Variants in KIF13B observed in about 807,000 individuals in gnomAD.
KIF13B encodes kinesin-like protein KIF13B.
A neutral mutation model predicts 222.0 loss-of-function variants in KIF13B; 127 were observed. That is an observed-to-expected ratio of 0.57 (90% CI 0.50 to 0.66). KIF13B has a LOEUF of 0.66. KIF13B is among the 30% of genes least tolerant of loss of function. The pLI, the probability that KIF13B is intolerant of heterozygous loss-of-function variation, is 0.00. For missense variants in KIF13B, 2,173 were observed against 2,379.0 expected (o/e 0.91, Z 1.80); for synonymous variants, 976 against 919.0 (o/e 1.06, Z -1.12).
In KIF13B at chr8:29,072,026, CT is replaced by C. The variant is rs1807312981; in HGVS notation, c.4811del (p.Glu1604GlyfsTer25). ...GCGGTGGGGGGTGGCTGATGGGCGCCTCGGGCTCGGCCTCAGGGGCGGTGGG... is the reference window on the plus strand; with the variant it reads ...GCGGTGGGGGGTGGCTGATGGGCGCCCGGGCTCGGCCTCAGGGGCGGTGGG... Reference protein sequence around the residue: ...SMPTAPEAEPEAPISHPPPPT... With the variant: ...SMPTAPEAEPXAPISHPPPPT... On this transcript the variant is annotated frameshift_variant, in exon 39 of 40. Transcript: ENST00000524189. LOFTEE classifies it high-confidence loss of function. 7.7e-7 allele frequency: 1 copy of C among 1,295,290 alleles called. No homozygotes were observed. Among genetic ancestry groups the C allele is most frequent in the African/African-American group, 1.6e-5 (1 of 64,320 alleles). 80.2% of individuals were successfully genotyped at this position (1,295,290 alleles called of 1,614,324 possible). A position where few individuals can be genotyped will look rare whatever the true frequency, so the allele number is the denominator to read the frequency against.
intron 2 of KIF13B, among the ~76,000 whole-genome samples, chr8:29,202,545 G>GACCTCAGGTGATCTGCCT (rs989150204): frequency 2.6e-5 from 4 of 152,278 alleles, no homozygotes; most frequent in Middle Eastern, 3.4e-3. Context: ...TCGAACTCCA[G>GACCTCAGGTGATCTGCCT]ACCTCAGGTG....
Position 29,140,619 on chromosome 8 carries a change from T to C in KIF13B, c.2335-2A>G, listed in dbSNP as rs1413846995. 2.5e-6 allele frequency: 4 copies of C among 1,606,362 alleles called. No homozygotes were observed. In the African/African-American group the frequency reaches 5.4e-5, roughly 22 times the overall value. On this transcript the variant is annotated splice_acceptor_variant, in intron 19 of 39. Coordinates refer to ENST00000524189, the MANE Select transcript of KIF13B (RefSeq NM_015254.4). LOFTEE classifies it high-confidence loss of function. ...ACGTTTGAAGTATGATCGTATTACC[T>C]GTAAAGAGATTGAGAACACACAACT...
intron 6 of KIF13B, among the ~76,000 whole-genome samples, chr8:29,183,741 T>G (rs1205496607): frequency 6.6e-6 from 1 of 152,112 alleles, no homozygotes; most frequent in Non-Finnish European, 1.5e-5. Context: ...ACTAACAAAG[T>G]GAAGATTAGA....
At chr8:29,243,957 C>T (rs1336092538) in intron 2 of KIF13B, among the ~76,000 whole-genome samples, 2 of 152,176 alleles carry the variant, frequency 1.3e-5, no homozygotes, top group East Asian at 1.9e-4. Flanking sequence ...AAAAATAACT[C>T]ACTATGATAA....
chr8:29,158,013 C>G (rs529583924), intron 13 of KIF13B, among the ~76,000 whole-genome samples: 10 of 152,298 alleles, frequency 6.6e-5, no homozygotes, highest in African/African-American at 2.4e-4. Flanking sequence ...GGCCTCCCAT[C>G]TGTTCTTTGA....
At chr8:29,118,231 C>T (rs180856137) in intron 30 of KIF13B, among the ~76,000 whole-genome samples, 104 of 151,780 alleles carry the variant, frequency 6.9e-4, no homozygotes, top group African/African-American at 2.3e-3. Context: ...TGGCTCACAC[C>T]TGTAATCCCA....
At chr8:29,098,908 A>C (rs1211276268) in intron 36 of KIF13B, among the ~76,000 whole-genome samples, 1 of 152,222 alleles carries the variant, frequency 6.6e-6, no homozygotes, top group Non-Finnish European at 1.5e-5. Context: ...AGATTCCAGC[A>C]ATGTACGGCT....
At chr8:29,232,109 T>C (rs920601904) in intron 2 of KIF13B, among the ~76,000 whole-genome samples, 1 of 150,856 alleles carries the variant, frequency 6.6e-6, no homozygotes, top group African/African-American at 2.4e-5. Context: ...ACACAAAAAT[T>C]AGCAGGGTAT....
chr8:29,139,465 A>G (rs1047707548), intron 21 of KIF13B, among the ~76,000 whole-genome samples: 2 of 152,186 alleles, frequency 1.3e-5, no homozygotes, highest in Non-Finnish European at 2.9e-5. Context: ...CCTTCAGTGA[A>G]TTAAGATTCC....
Position 29,180,076 on chromosome 8 carries a change from A to G in KIF13B, c.720+28T>C, listed in dbSNP as rs1374507542. 2.5e-6 allele frequency: 4 copies of G among 1,611,670 alleles called. No homozygotes were observed. In the Admixed American group the frequency reaches 6.7e-5, roughly 27 times the overall value. On this transcript the variant is annotated intron_variant, in intron 8 of 39. Coordinates refer to ENST00000524189, the MANE Select transcript of KIF13B (RefSeq NM_015254.4). ...AACCACAATCCACTTTAGAAATATAAAAACAGGTCATGCATCTGAACACCT... is the reference window on the plus strand; with the variant it reads ...AACCACAATCCACTTTAGAAATATAGAAACAGGTCATGCATCTGAACACCT...
intron 2 of KIF13B, among the ~76,000 whole-genome samples, chr8:29,201,907 T>C (rs1766572045): frequency 6.6e-6 from 1 of 152,198 alleles, no homozygotes; most frequent in Non-Finnish European, 1.5e-5. Context: ...CCGAGCTGAC[T>C]TGAAATTTAG....
intron 37 of KIF13B, among the ~76,000 whole-genome samples, chr8:29,084,843 T>C (rs1807972394): frequency 1.3e-5 from 2 of 152,268 alleles, no homozygotes; most frequent in African/African-American, 2.4e-5. Context: ...ATTTCATTAA[T>C]TGCAGTTCAT....
intron 21 of KIF13B, among the ~76,000 whole-genome samples, chr8:29,135,344 G>A (rs987612954): frequency 5.9e-5 from 9 of 152,024 alleles, no homozygotes; most frequent in East Asian, 1.9e-4. Context: ...GATGCCTGGC[G>A]TGGTTTGATT....
chr8:29,151,060 G>A lies in KIF13B; in HGVS notation c.1536-677C>T, dbSNP rs147033261. On this transcript the variant is annotated intron_variant, in intron 14 of 39. Coordinates refer to ENST00000524189, the MANE Select transcript of KIF13B (RefSeq NM_015254.4). ...TGAGTGCACATGAAAAGCTCTTGAA[G>A]GAAATTAAAGGTGCTTCTCCAGCGA... is the stretch of plus-strand genomic sequence containing the variant. 6.0e-4 allele frequency among the ~76,000 whole-genome samples: 92 copies of A among 152,302 alleles called. No homozygotes were observed. The East Asian group carries it at 0.012, about 19-fold the overall frequency.
chr8:29,221,105 T>C (rs1026733362), intron 2 of KIF13B, among the ~76,000 whole-genome samples: 2 of 28,636 alleles, frequency 7.0e-5, no homozygotes, highest in Non-Finnish European at 4.2e-4. Context: ...TTCTTTTTTT[T>C]TTTTTTTTTT....
Position 29,191,035 on chromosome 8 carries a change from A to G in KIF13B, c.185T>C (p.Phe62Ser). Residue 62 changes from phenylalanine to serine, a missense_variant, in exon 4 of 40, where the codon TTC becomes TCC. Coordinates refer to ENST00000524189, the MANE Select transcript of KIF13B (RefSeq NM_015254.4). ...QPKVFAYDHC[F>S]WSMDESVKEK... is the part of the protein sequence containing the mutation. ...TTTGACAGATTCATCCATAGACCAG[A>G]AACAATGATCATAAGCAAACACCTG... is the stretch of plus-strand genomic sequence containing the variant. The G allele has an allele frequency of 6.2e-7, 1 of 1,612,320 alleles. No individual in the cohort carries two copies. The highest frequency in any genetic ancestry group is 8.5e-7 in the Non-Finnish European group (1 of 1,179,128).
chr8:29,237,258 G>T (rs912641933), intron 2 of KIF13B, among the ~76,000 whole-genome samples: 5 of 151,746 alleles, frequency 3.3e-5, no homozygotes, highest in South Asian at 2.1e-4. Flanking sequence ...AAAAAGTACT[G>T]TCAAAAAAAC....
chr8:29,102,704 G>A (rs1808851319), intron 35 of KIF13B, among the ~76,000 whole-genome samples: 1 of 152,196 alleles, frequency 6.6e-6, no homozygotes, highest in African/African-American at 2.4e-5. Flanking sequence ...TCCAATGGCA[G>A]CTTTCACTGC....
chr8:29,096,687 G>C (rs548731736), intron 36 of KIF13B, among the ~76,000 whole-genome samples: 1 of 151,998 alleles, frequency 6.6e-6, no homozygotes, highest in Non-Finnish European at 1.5e-5. Flanking sequence ...GGGGCCCAGA[G>C]GAACAGGTCA....
Sources: gnomAD v4.1 joint callset for allele counts (sites outside exome capture counted in the v4.1 genomes callset) on GRCh38, gnomAD v4.1.1 for gene constraint, MANE v1.5 for transcripts, NCBI Gene and HGNC (gene_info 2026-07-23, HGNC 2026-07-21) for gene names.